Variants in PRKG1 observed in about 807,000 individuals in gnomAD.
The protein encoded by PRKG1 is protein kinase cGMP-dependent 1.
PRKG1 carries 35 observed loss-of-function variants against 88.1 expected under a neutral mutation model. The observed-to-expected ratio is 0.40, with a 90% CI of 0.30 to 0.53. PRKG1 has a LOEUF of 0.53. Among genes scored for constraint, PRKG1 ranks in the 20% least tolerant of loss-of-function variants. The probability of loss-of-function intolerance (pLI) is 0.59; values close to 1 mark genes in which losing one functional copy is unlikely to be tolerated. For synonymous variants in PRKG1, 303 were observed against 292.5 expected (o/e 1.04, Z -0.37); for missense variants, 540 against 839.8 (o/e 0.64, Z 4.41).
chr10:51,529,447 A>G (rs1340593998), intron 3 of PRKG1, among the ~76,000 whole-genome samples: 3 of 152,146 alleles, frequency 2.0e-5, no homozygotes, highest in Admixed American at 6.5e-5. Flanking sequence ...TTTACCTAAG[A>G]TGCTCTTCCT....
chr10:51,893,050 G>A (rs1841761514), intron 4 of PRKG1, among the ~76,000 whole-genome samples: 1 of 152,128 alleles, frequency 6.6e-6, no homozygotes, highest in Non-Finnish European at 1.5e-5. Flanking sequence ...CAGGTGCAGT[G>A]TGATCTTTTG....
chr10:51,975,742 G>A (rs1843816515), intron 5 of PRKG1, among the ~76,000 whole-genome samples: 1 of 151,966 alleles, frequency 6.6e-6, no homozygotes, highest in African/African-American at 2.4e-5. Flanking sequence ...CTTTGGGTCA[G>A]GCAGTGGTTT....
chr10:51,910,779 T>A (rs1366758402), intron 5 of PRKG1: 2 of 151,754 alleles, frequency 1.3e-5, no homozygotes, highest in East Asian at 3.9e-4. Flanking sequence ...ATATGGAGAG[T>A]GATTGTAATG....
Position 51,258,749 on chromosome 10 carries a change from G to A in PRKG1, c.478+105419G>A, listed in dbSNP as rs147315596. Among the ~76,000 whole-genome samples, 187 of 152,286 alleles carry A rather than the reference G, an allele frequency of 1.2e-3. 2 individuals are homozygous for A. Among genetic ancestry groups the A allele is most frequent in the Admixed American group, 0.011 (167 of 15,298 alleles). ...TAGTAAGTGCTCAACAAATATATGT[G>A]GTTATTAATATTACTGTCATGATTC... On this transcript the variant is annotated intron_variant, in intron 2 of 17. Transcript: ENST00000373980.
At chr10:51,321,977 T>C (rs1841469359) in intron 2 of PRKG1, among the ~76,000 whole-genome samples, 1 of 152,188 alleles carries the variant, frequency 6.6e-6, no homozygotes, top group Admixed American at 6.5e-5. Context: ...CACATTAAAT[T>C]CTGTTTCTCA....
chr10:51,937,120 G>A (rs2133019039), intron 5 of PRKG1, among the ~76,000 whole-genome samples: 1 of 152,048 alleles, frequency 6.6e-6, no homozygotes, highest in Admixed American at 6.6e-5. Flanking sequence ...AAACAAAGAT[G>A]AGGTACTCTC....
intron 4 of PRKG1, among the ~76,000 whole-genome samples, chr10:51,851,824 T>C (rs925429722): frequency 1.1e-4 from 16 of 152,148 alleles, no homozygotes; most frequent in Non-Finnish European, 1.3e-4. Flanking sequence ...GATACCAAGG[T>C]TGGCGAATAA....
intron 2 of PRKG1, among the ~76,000 whole-genome samples, chr10:51,323,909 A>G (rs914164303): frequency 1.3e-5 from 2 of 152,196 alleles, no homozygotes; most frequent in African/African-American, 4.8e-5. Flanking sequence ...TTATAAGCAC[A>G]TCGCTGAACT....
rs530664283 is a variant in PRKG1, at chr10:51,724,414, G to A, written c.593-80171G>A. 7.9e-5 allele frequency among the ~76,000 whole-genome samples: 12 copies of A among 152,274 alleles called. No homozygotes were observed. In the South Asian group the frequency reaches 2.1e-3, roughly 26 times the overall value. On this transcript the variant is annotated intron_variant, in intron 3 of 17. Transcript: ENST00000373980. ...CTAAATTTATCATAGACAAACTAGT[G>A]CATGCTTCATTTTGGCCAATGGATG...
At chr10:51,187,228 T>C (rs1370086245) in intron 2 of PRKG1, among the ~76,000 whole-genome samples, 1 of 151,808 alleles carries the variant, frequency 6.6e-6, no homozygotes, top group Non-Finnish European at 1.5e-5. Context: ...TGAAGTTCAC[T>C]GTTAAAGTTT....
chr10:51,686,217 G>A (rs569283612), intron 3 of PRKG1, among the ~76,000 whole-genome samples: 10 of 152,170 alleles, frequency 6.6e-5, no homozygotes, highest in Non-Finnish European at 7.4e-5. Flanking sequence ...TGCGTGTCGC[G>A]GGGCTTTGGT....
At chr10:51,750,729 T>G (rs1837702738) in intron 3 of PRKG1, among the ~76,000 whole-genome samples, 1 of 152,190 alleles carries the variant, frequency 6.6e-6, no homozygotes, top group South Asian at 2.1e-4. Flanking sequence ...CAAAAGCATT[T>G]TCTTCCTCCC....
intron 2 of PRKG1, among the ~76,000 whole-genome samples, chr10:51,348,550 T>A (rs1842166452): frequency 6.6e-6 from 1 of 152,174 alleles, no homozygotes; most frequent in African/African-American, 2.4e-5. Context: ...TCCCACACAA[T>A]GATGTTTATT....
chr10:51,538,203 A>G (rs1842206534), intron 3 of PRKG1, among the ~76,000 whole-genome samples: 1 of 152,056 alleles, frequency 6.6e-6, no homozygotes, highest in African/African-American at 2.4e-5. Context: ...AATCATGTGC[A>G]TAATTTCAAC....
In PRKG1 at chr10:51,698,144, C is replaced by A. The variant is rs774169015; in HGVS notation, c.593-106441C>A. 5.0e-6 allele frequency: 8 copies of A among 1,614,026 alleles called. No individual in the cohort carries two copies. The African/African-American group carries it at 9.3e-5, about 19-fold the overall frequency. On this transcript the variant is annotated intron_variant, in intron 3 of 17. Transcript: ENST00000373980. ...ACCCTGAATTCCACCAGTCATAGGG[C>A]CTCTTGAACTGGGGACAGGGCCCCT...
At chr10:51,523,899 C>T (rs1239939587) in intron 3 of PRKG1, among the ~76,000 whole-genome samples, 3 of 151,930 alleles carry the variant, frequency 2.0e-5, no homozygotes, top group African/African-American at 7.3e-5. Flanking sequence ...ATCTATATGC[C>T]CACCCAAATT....
chr10:51,436,875 G>A (rs1338603761), intron 2 of PRKG1, among the ~76,000 whole-genome samples: 1 of 151,988 alleles, frequency 6.6e-6, no homozygotes. Flanking sequence ...TTACTCAAAT[G>A]AGAATAAAAT....
intron 2 of PRKG1, among the ~76,000 whole-genome samples, chr10:51,287,257 G>A (rs1203631733): frequency 6.6e-6 from 1 of 152,126 alleles, no homozygotes; most frequent in Non-Finnish European, 1.5e-5. Context: ...GCTCAGGTTT[G>A]TAGAGTATTT....
chr10:51,922,566 C>T (rs1473489543), intron 5 of PRKG1, among the ~76,000 whole-genome samples: 1 of 151,752 alleles, frequency 6.6e-6, no homozygotes, highest in Non-Finnish European at 1.5e-5. Flanking sequence ...ACTGTTTCTG[C>T]TACATTCCAG....
Sources: allele counts gnomAD v4.1 joint callset (sites outside exome capture counted in the v4.1 genomes callset), GRCh38; gene constraint gnomAD v4.1.1; transcripts MANE v1.5; gene names NCBI Gene and HGNC (gene_info 2026-07-23, HGNC 2026-07-21).